The following NRXN1 variants were observed in gnomAD, a reference collection of about 807,000 sequenced individuals.
NRXN1 encodes the protein neurexin-1.
Under a neutral mutation model 150.9 loss-of-function variants are expected in NRXN1, and 39 were observed. The ratio of observed to expected loss-of-function variants is 0.26; its 90% CI spans 0.20 to 0.34. The LOEUF (loss-of-function observed/expected upper bound fraction) is 0.34, where lower values mean the gene tolerates loss of function less well. Ranked by LOEUF, NRXN1 falls within the 10% of genes least tolerant of loss-of-function variation. The pLI is 1.00. For missense variants in NRXN1, 1,815 were observed against 1,949.9 expected (o/e 0.93, Z 1.30); for synonymous variants, 924 against 757.0 (o/e 1.22, Z -3.62).
chr2:49,949,171 A>G (rs1343015373), intron 21 of NRXN1, among the ~76,000 whole-genome samples: 1 of 152,016 alleles, frequency 6.6e-6, no homozygotes, highest in Non-Finnish European at 1.5e-5. Flanking sequence ...TTCTTAATGA[A>G]TGGTAAGAAG....
Position 50,922,334 on chromosome 2 carries a change from C to T in NRXN1, c.820+324G>A, listed in dbSNP as rs115819765. On this transcript the variant is annotated intron_variant, in intron 4 of 22. Transcript: ENST00000401669. ...TCAGACAGCAACTTCTGATGGTTCT[C>T]GGTTTTTCTTTACCATAACCACCCT... Among the ~76,000 whole-genome samples, 688 of 151,850 alleles carry T rather than the reference C, an allele frequency of 4.5e-3. 1 individual carries two copies. Among genetic ancestry groups the T allele is most frequent in the Non-Finnish European group, 5.9e-3 (403 of 67,852 alleles).
chr2:50,951,478 A>C (rs969062667), intron 2 of NRXN1, among the ~76,000 whole-genome samples: 1 of 152,206 alleles, frequency 6.6e-6, no homozygotes, highest in African/African-American at 2.4e-5. Flanking sequence ...TTGAACACCA[A>C]GTATTTTTGG....
intron 5 of NRXN1, among the ~76,000 whole-genome samples, chr2:50,895,514 G>C (rs571295903): frequency 6.6e-6 from 1 of 151,886 alleles, no homozygotes; most frequent in East Asian, 1.9e-4. Flanking sequence ...AAATGAGTGG[G>C]TCACTATAAA....
chr2:50,145,661 A>G (rs964420010), intron 18 of NRXN1, among the ~76,000 whole-genome samples: 8 of 151,634 alleles, frequency 5.3e-5, no homozygotes, highest in African/African-American at 1.9e-4. Flanking sequence ...TTGCAACCAA[A>G]TGGCTTGAGT....
chr2:50,526,426 C>T (rs571422233), intron 12 of NRXN1, among the ~76,000 whole-genome samples: 1 of 152,100 alleles, frequency 6.6e-6, no homozygotes, highest in Admixed American at 6.6e-5. Flanking sequence ...CTCAGACAAA[C>T]CTATGGCTCA....
intron 8 of NRXN1, among the ~76,000 whole-genome samples, chr2:50,595,561 A>G (rs972465881): frequency 2.6e-5 from 4 of 152,208 alleles, no homozygotes; most frequent in African/African-American, 9.6e-5. Context: ...TGCCACGGTC[A>G]GCATTTGAGG....
intron 17 of NRXN1, among the ~76,000 whole-genome samples, chr2:50,283,361 T>G (rs2071713390): frequency 6.6e-6 from 1 of 152,200 alleles, no homozygotes; most frequent in African/African-American, 2.4e-5. Flanking sequence ...AGTATTTTTA[T>G]GCAAATGCTT....
chr2:50,102,662 G>A (rs1331780407), intron 18 of NRXN1, among the ~76,000 whole-genome samples: 1 of 151,992 alleles, frequency 6.6e-6, no homozygotes, highest in Non-Finnish European at 1.5e-5. Context: ...TAGCATGAGA[G>A]GAACTGAATA....
At position 50,795,312 on chromosome 2, in the gene NRXN1, T is replaced by A. The variant is rs190090072; in HGVS notation, c.832+126557A>T. Among the ~76,000 whole-genome samples the A allele has an allele frequency of 1.8e-3, 267 of 152,194 alleles. 1 individual carries two copies. The highest frequency in any genetic ancestry group is 6.8e-3 in the Middle Eastern group (2 of 294). The stretch of plus-strand genomic sequence containing the variant: ...ATAGGTCTGGAAACTACCCAAGAAT[T>A]TAAAAGACCCAATTTTCTTCATGAT... On this transcript the variant is annotated intron_variant, in intron 5 of 22. Transcript: ENST00000401669.
intron 17 of NRXN1, among the ~76,000 whole-genome samples, chr2:50,274,125 C>T (rs554405922): frequency 1.3e-5 from 2 of 152,138 alleles, no homozygotes; most frequent in East Asian, 3.9e-4. Flanking sequence ...TGGCACCAAC[C>T]GAAATGTCCA....
At chr2:50,394,653 T>C (rs963285344) in intron 17 of NRXN1, among the ~76,000 whole-genome samples, 2 of 152,068 alleles carry the variant, frequency 1.3e-5, no homozygotes, top group African/African-American at 2.4e-5. Flanking sequence ...TCCTCCCTCT[T>C]CTCTGCAATC....
intron 5 of NRXN1, among the ~76,000 whole-genome samples, chr2:50,713,327 A>G (rs539102156): frequency 2.2e-4 from 33 of 151,356 alleles, no homozygotes; most frequent in African/African-American, 7.5e-4. Flanking sequence ...AAAAAAAAAG[A>G]AAAAAAAATT....
chr2:50,139,182 C>T (rs1400254163), intron 18 of NRXN1, among the ~76,000 whole-genome samples: 5 of 151,896 alleles, frequency 3.3e-5, no homozygotes, highest in Non-Finnish European at 5.9e-5. Flanking sequence ...AAAAATTAGC[C>T]GGGCGTGGTG....
intron 17 of NRXN1, among the ~76,000 whole-genome samples, chr2:50,382,714 TC>T (rs2081058426): frequency 6.6e-6 from 1 of 152,096 alleles, no homozygotes; most frequent in Admixed American, 6.6e-5. Flanking sequence ...CATCTGAAGT[TC>T]CCCATGGGCA....
intron 18 of NRXN1, among the ~76,000 whole-genome samples, chr2:50,137,025 T>G (rs913193889): frequency 2.6e-5 from 4 of 152,158 alleles, no homozygotes; most frequent in Non-Finnish European, 1.5e-5. Context: ...TAGACAGTAC[T>G]TACAACACTG....
At chr2:50,235,653 A>C (rs1450814495) in intron 18 of NRXN1, among the ~76,000 whole-genome samples, 2 of 152,106 alleles carry the variant, frequency 1.3e-5, no homozygotes, top group East Asian at 3.9e-4. Flanking sequence ...CCCGATGACC[A>C]CTTTCTAACA....
In NRXN1 at chr2:50,506,583, G is replaced by C; in HGVS notation, c.2409C>G (p.Asn803Lys). 2.5e-6 allele frequency: 4 copies of C among 1,613,404 alleles called. No individual in the cohort carries two copies. The highest frequency in any genetic ancestry group is 1.1e-5 in the South Asian group (1 of 91,048). ...KGPETLFAGY[N>K]LNDNEWHTVR... The stretch of plus-strand genomic sequence containing the variant: ...CTGTGTGCCACTCGTTATCATTGAG[G>C]TTATAGCCAGCAAAAAGAGTCTCGG... The change falls in exon 13 of 23, where the codon AAC becomes AAG. Residue 803 changes from asparagine to lysine, a missense_variant. Coordinates refer to ENST00000401669, the MANE Select transcript of NRXN1 (RefSeq NM_001330078.2).
chr2:50,558,987 C>T (rs1668652088), intron 8 of NRXN1, among the ~76,000 whole-genome samples: 1 of 152,202 alleles, frequency 6.6e-6, no homozygotes, highest in African/African-American at 2.4e-5. Context: ...GAGGCTGAGG[C>T]AGGAGAAGGG....
rs945030020 is a variant in NRXN1 at position 49,919,808 on chromosome 2, A to G, written c.*2136T>C. The G allele has an allele frequency of 1.3e-5, 2 of 152,184 alleles. No individual in the cohort carries two copies. Among genetic ancestry groups the G allele is most frequent in the African/African-American group, 4.8e-5 (2 of 41,478 alleles). The allele number at this position is 152,184 out of a possible 1,614,324, so 9.4% of individuals were successfully genotyped here. ...CTTTGTACACAACAATTACTTGGCA[A>G]CCATAGATAGTGGTGATTTGCTATG... On this transcript the variant is annotated 3_prime_UTR_variant, in exon 23 of 23. Coordinates refer to ENST00000401669, the MANE Select transcript of NRXN1 (RefSeq NM_001330078.2).
Sources: gnomAD v4.1 joint callset for allele counts (sites outside exome capture counted in the v4.1 genomes callset) on GRCh38, gnomAD v4.1.1 for gene constraint, MANE v1.5 for transcripts, NCBI Gene and HGNC (gene_info 2026-07-23, HGNC 2026-07-21) for gene names.